Variants in HMCN1 observed in about 807,000 individuals in gnomAD.
HMCN1 encodes the protein hemicentin-1.
A neutral mutation model predicts 625.9 loss-of-function variants in HMCN1; 321 were observed. That is an observed-to-expected ratio of 0.51 (90% CI 0.47 to 0.56). The LOEUF (loss-of-function observed/expected upper bound fraction) is 0.56. Among genes scored for constraint, HMCN1 ranks in the 20% least tolerant of loss-of-function variants. HMCN1 has a pLI of 0.00. For synonymous variants in HMCN1, 2,425 were observed against 2,417.6 expected (o/e 1.00, Z -0.09); for missense variants, 6,588 against 6,887.3 (o/e 0.96, Z 1.54).
rs550931744 is a variant in HMCN1 at position 186,094,252 on chromosome 1, A to C, written c.10197-24A>C. The C allele has an allele frequency of 1.5e-5, 24 of 1,555,106 alleles. No individual in the cohort carries two copies. The South Asian group carries it at 2.6e-4, about 17-fold the overall frequency. ...CTTGTTGTATGGGAGCAAGTGATGA[A>C]ATGTGGATCAAATTGTTTCTCAGGA... On this transcript the variant is annotated intron_variant, in intron 66 of 106. Transcript: ENST00000271588.
chr1:186,066,279 GTTCATTCATTCA>G (rs377381395), intron 49 of HMCN1, among the ~76,000 whole-genome samples: 3 of 151,796 alleles, frequency 2.0e-5, no homozygotes, highest in South Asian at 4.2e-4. Flanking sequence ...TTATATATAT[GTTCATTCATTCA>G]TTCATTCATT....
At chr1:186,116,949 GA>G (rs765927131) in intron 75 of HMCN1, 44 bp from the exon 76 acceptor site, 82 of 1,607,520 alleles carry the variant, frequency 5.1e-5, no homozygotes, top group African/African-American at 3.2e-4. Flanking sequence ...GAAAATTTAT[GA>G]AAACCTACAT....
At chr1:185,895,143 A>G (rs1571520852) in intron 4 of HMCN1, among the ~76,000 whole-genome samples, 1 of 152,192 alleles carries the variant, frequency 6.6e-6, no homozygotes, top group Non-Finnish European at 1.5e-5. Context: ...AGCATTGTTT[A>G]CTGGAAAATA....
chr1:185,897,378 T>C (rs1036820635), intron 4 of HMCN1, among the ~76,000 whole-genome samples: 2 of 152,192 alleles, frequency 1.3e-5, no homozygotes, highest in African/African-American at 4.8e-5. Context: ...ATCCTGTTTC[T>C]GAACTCCTTC....
rs367934109 is a variant in HMCN1 at position 185,908,000 on chromosome 1, A to G, written c.622-1337A>G. On this transcript the variant is annotated intron_variant, in intron 4 of 106. Transcript: ENST00000271588. Reference sequence around the variant, plus strand: ...TTGGATGCACAAAGAAGTAGGAGATATGGTTTTTGATACTGGAGCAAGGAC... The same window carrying G: ...TTGGATGCACAAAGAAGTAGGAGATGTGGTTTTTGATACTGGAGCAAGGAC... Among the ~76,000 whole-genome samples, 92 of 152,066 alleles carry G rather than the reference A, an allele frequency of 6.0e-4. 1 individual carries two copies. Among genetic ancestry groups the G allele is most frequent in the Non-Finnish European group, 1.1e-3 (77 of 67,894 alleles).
At chr1:185,820,024 A>G (rs546229386) in intron 1 of HMCN1, among the ~76,000 whole-genome samples, 5 of 152,324 alleles carry the variant, frequency 3.3e-5, no homozygotes, top group Admixed American at 1.3e-4. Context: ...AAAAAGCACA[A>G]TGAAGTATGA....
At chr1:185,892,266 G>T (rs552641521) in intron 4 of HMCN1, among the ~76,000 whole-genome samples, 2 of 150,856 alleles carry the variant, frequency 1.3e-5, no homozygotes, top group South Asian at 4.2e-4. Context: ...ATGTCCTCCC[G>T]TAGCTCAGAG....
intron 80 of HMCN1, among the ~76,000 whole-genome samples, chr1:186,121,390 T>C (rs1661390588): frequency 6.6e-6 from 1 of 152,166 alleles, no homozygotes. Context: ...TGTAGTGTGT[T>C]ATTGTCCAAG....
chr1:186,076,049 G>A (rs1397941510), intron 53 of HMCN1, among the ~76,000 whole-genome samples: 1 of 152,094 alleles, frequency 6.6e-6, no homozygotes, highest in African/African-American at 2.4e-5. Flanking sequence ...CCAAATCACT[G>A]TGAAATGCTC....
At chr1:186,023,318 T>G (rs1299295435) in intron 36 of HMCN1, among the ~76,000 whole-genome samples, 165 bp downstream of exon 36, 1 of 151,832 alleles carries the variant, frequency 6.6e-6, no homozygotes, top group African/African-American at 2.4e-5. Flanking sequence ...TTATTGTAAT[T>G]TTCATTGCTC....
intron 40 of HMCN1, 145 bp from the exon 41 acceptor site, chr1:186,045,543 G>C (rs949951548): frequency 1.5e-6 from 1 of 680,422 alleles, no homozygotes; most frequent in Non-Finnish European, 2.6e-6. Context: ...CTTGAACCAA[G>C]TGATGCAAAG....
In HMCN1 at chr1:186,074,765, A is replaced by C; in HGVS notation, c.8164A>C (p.Asn2722His). ...GQPLKSDDHV[N>H]IAANGHTLQI... is the part of the protein sequence containing the mutation. ...GCCCCTTAAATCCGATGATCATGTT[A>C]ATATTGCTGCGAATGGACACACACT... Residue 2722 changes from asparagine to histidine, a missense_variant, in exon 53 of 107, where the codon AAT (asparagine) becomes CAT (histidine). By Grantham distance (68) the Asn-to-His change is moderately conservative. Transcript: ENST00000271588. 1 of 1,613,034 alleles carries C rather than the reference A, an allele frequency of 6.2e-7. No homozygotes were observed. Among genetic ancestry groups the C allele is most frequent in the South Asian group, 1.1e-5 (1 of 91,062 alleles).
chr1:185,817,786 A>C (rs1041493202), intron 1 of HMCN1, among the ~76,000 whole-genome samples: 1 of 152,306 alleles, frequency 6.6e-6, no homozygotes, highest in African/African-American at 2.4e-5. Flanking sequence ...TTTGAAACAG[A>C]AAAGAAAGAC....
intron 14 of HMCN1, among the ~76,000 whole-genome samples, chr1:185,967,290 A>T (rs1361120879): frequency 1.3e-5 from 2 of 152,144 alleles, no homozygotes; most frequent in East Asian, 1.9e-4. Context: ...TTAATCAATT[A>T]GTCTTCATGC....
chr1:186,003,943 A>G (rs1653370763), intron 29 of HMCN1, 99 bp downstream of exon 29: 3 of 1,135,202 alleles, frequency 2.6e-6, no homozygotes, highest in Non-Finnish European at 3.9e-6. Context: ...TTTATTACAT[A>G]GAATATTATT....
At chr1:186,161,149 G>A (rs1402678778) in intron 97 of HMCN1, among the ~76,000 whole-genome samples, 3 of 150,940 alleles carry the variant, frequency 2.0e-5, no homozygotes, top group Non-Finnish European at 4.5e-5. Flanking sequence ...TCTTCTTGTT[G>A]AATTGATCCC....
intron 1 of HMCN1, among the ~76,000 whole-genome samples, chr1:185,767,447 T>C (rs1273081235): frequency 6.6e-6 from 1 of 152,198 alleles, no homozygotes; most frequent in Non-Finnish European, 1.5e-5. Context: ...TAAGTAACTT[T>C]GGAAGCAATG....
intron 86 of HMCN1, among the ~76,000 whole-genome samples, chr1:186,132,734 G>T (rs2102522571): frequency 6.6e-6 from 1 of 151,900 alleles, no homozygotes; most frequent in South Asian, 2.1e-4. Context: ...TGCCATGTTG[G>T]TGTGCTGCAC....
intron 97 of HMCN1, among the ~76,000 whole-genome samples, chr1:186,155,675 A>G (rs1451923344): frequency 1.3e-5 from 2 of 152,206 alleles, no homozygotes; most frequent in East Asian, 3.8e-4. Context: ...CACAATATAA[A>G]GAAACACACT....
Sources: gnomAD v4.1 joint callset for allele counts (sites outside exome capture counted in the v4.1 genomes callset) on GRCh38, gnomAD v4.1.1 for gene constraint, MANE v1.5 for transcripts, NCBI Gene and HGNC (gene_info 2026-07-23, HGNC 2026-07-21) for gene names.